The following CRTC3 variants were observed in gnomAD, a reference collection of about 807,000 sequenced individuals.
The protein encoded by CRTC3 is CREB-regulated transcription coactivator 3.
CRTC3 carries 26 observed loss-of-function variants against 74.5 expected under a neutral mutation model. The observed-to-expected ratio is 0.35, with a 90% CI of 0.26 to 0.48. CRTC3 has a LOEUF of 0.48. CRTC3 is among the 20% of genes least tolerant of loss of function. The pLI is 0.99. For synonymous variants in CRTC3, 377 were observed against 325.8 expected (o/e 1.16, Z -1.69); for missense variants, 760 against 787.3 (o/e 0.97, Z 0.41).
At chr15:90,543,154 A>G (rs1326843359) in intron 2 of CRTC3, among the ~76,000 whole-genome samples, 3 of 138,906 alleles carry the variant, frequency 2.2e-5, no homozygotes, top group South Asian at 2.3e-4. Flanking sequence ...AAAAAAGGCC[A>G]GATGTGGTGG....
At chr15:90,629,038 C>T (rs143119155) in intron 10 of CRTC3, among the ~76,000 whole-genome samples, 196 bp from the exon 11 acceptor site, 2 of 152,220 alleles carry the variant, frequency 1.3e-5, no homozygotes, top group African/African-American at 2.4e-5. Context: ...CTTTGTGGCC[C>T]CATCTCTGTT....
At chr15:90,584,237 C>CTTT (rs11355776) in intron 2 of CRTC3, among the ~76,000 whole-genome samples, 1 of 116,698 alleles carries the variant, frequency 8.6e-6, no homozygotes, top group African/African-American at 3.3e-5. Context: ...TTCACCAACG[C>CTTT]TTTTTTTTTT....
intron 2 of CRTC3, among the ~76,000 whole-genome samples, chr15:90,571,211 C>T (rs1967256872): frequency 6.6e-6 from 1 of 152,108 alleles, no homozygotes; most frequent in Admixed American, 6.6e-5. Flanking sequence ...GATGATTTTA[C>T]AAGTCATTGT....
intron 2 of CRTC3, among the ~76,000 whole-genome samples, chr15:90,550,604 C>CT (rs556303665): frequency 5.8e-4 from 88 of 152,160 alleles, no homozygotes; most frequent in Admixed American, 1.5e-3. Flanking sequence ...CTCAAGCAGC[C>CT]TTTTAGCAGC....
At chr15:90,630,604 C>G (rs990187207) in intron 11 of CRTC3, among the ~76,000 whole-genome samples, 12 of 152,050 alleles carry the variant, frequency 7.9e-5, no homozygotes, top group African/African-American at 2.9e-4. Context: ...CAGAGTGAGA[C>G]CCTGTCTCAA....
At position 90,560,584 on chromosome 15, in the gene CRTC3, C is replaced by T. The variant is rs566159673; in HGVS notation, c.231+20447C>T. Among the ~76,000 whole-genome samples, 9 of 152,350 alleles carry T rather than the reference C, an allele frequency of 5.9e-5. No individual in the cohort carries two copies. The East Asian group carries it at 1.7e-3, about 29-fold the overall frequency. On this transcript the variant is annotated intron_variant, in intron 2 of 14. Coordinates refer to ENST00000268184, the MANE Select transcript of CRTC3 (RefSeq NM_022769.5). ...TCCAGAGGCAGCCTCAGAAACTAGA[C>T]ACATAATTCATATGGTCAAAACCTG...
At chr15:90,543,500 A>G (rs1403033327) in intron 2 of CRTC3, among the ~76,000 whole-genome samples, 2 of 152,066 alleles carry the variant, frequency 1.3e-5, no homozygotes, top group Non-Finnish European at 2.9e-5. Context: ...ATTATAATCT[A>G]TTATTTTATT....
intron 11 of CRTC3, among the ~76,000 whole-genome samples, chr15:90,631,181 C>G (rs1969025811): frequency 6.6e-6 from 1 of 152,198 alleles, no homozygotes; most frequent in Non-Finnish European, 1.5e-5. Flanking sequence ...TTATTGGTCA[C>G]TCTTTACCAA....
chr15:90,610,786 C>T (rs916780586), intron 6 of CRTC3, among the ~76,000 whole-genome samples: 5 of 152,192 alleles, frequency 3.3e-5, no homozygotes, highest in African/African-American at 1.2e-4. Context: ...CCTAACACCC[C>T]TCCTGACATC....
At position 90,587,757 on chromosome 15, in the gene CRTC3, G is replaced by GAA. The variant is rs1967699133; in HGVS notation, c.232-5879_232-5878insAA. On this transcript the variant is annotated intron_variant, in intron 2 of 14. Coordinates refer to ENST00000268184, the MANE Select transcript of CRTC3 (RefSeq NM_022769.5). ...GCCTCCCAAGTAGCTGGGACTACAAGCGTGAACCACCACACCTGACAAATT... is the reference window on the plus strand; with the variant it reads ...GCCTCCCAAGTAGCTGGGACTACAAGAACGTGAACCACCACACCTGACAAATT... 5.3e-5 allele frequency among the ~76,000 whole-genome samples: 8 copies of GAA among 152,154 alleles called. No individual in the cohort carries two copies. The South Asian group carries it at 1.7e-3, about 32-fold the overall frequency.
At chr15:90,534,502 G>A (rs1479144367) in intron 1 of CRTC3, among the ~76,000 whole-genome samples, 2 of 152,160 alleles carry the variant, frequency 1.3e-5, no homozygotes, top group African/African-American at 4.8e-5. Flanking sequence ...GTAAACTGGT[G>A]GCTTAAGTTC....
chr15:90,602,110 C>T (rs1347872375), intron 3 of CRTC3, among the ~76,000 whole-genome samples: 1 of 152,014 alleles, frequency 6.6e-6, no homozygotes, highest in Non-Finnish European at 1.5e-5. Context: ...ATAATAAACA[C>T]CCCACAAAAA....
At chr15:90,610,182 C>T (rs1392737002) in intron 6 of CRTC3, among the ~76,000 whole-genome samples, 2 of 152,092 alleles carry the variant, frequency 1.3e-5, no homozygotes, top group Non-Finnish European at 2.9e-5. Flanking sequence ...CATTTTCTTT[C>T]CTTTTGGATT....
chr15:90,548,378 T>C (rs1027994541), intron 2 of CRTC3, among the ~76,000 whole-genome samples: 3 of 152,208 alleles, frequency 2.0e-5, no homozygotes, highest in Non-Finnish European at 4.4e-5. Context: ...CCAAGGCAGT[T>C]TGCAAAGGCC....
In CRTC3 at chr15:90,582,843, T is replaced by A. The variant is rs185156501; in HGVS notation, c.232-10793T>A. Among the ~76,000 whole-genome samples, 401 of 151,930 alleles carry A rather than the reference T, an allele frequency of 2.6e-3. 3 individuals are homozygous for A. The highest frequency in any genetic ancestry group is 9.4e-3 in the African/African-American group (388 of 41,380). ...GCTGGAGGGAAGATGCTGGGGGAGGTCTCACTGCTTACAGCCTGCTCCATC... is the reference window on the plus strand; with the variant it reads ...GCTGGAGGGAAGATGCTGGGGGAGGACTCACTGCTTACAGCCTGCTCCATC... On this transcript the variant is annotated intron_variant, in intron 2 of 14. Coordinates refer to ENST00000268184, the MANE Select transcript of CRTC3 (RefSeq NM_022769.5).
intron 3 of CRTC3, among the ~76,000 whole-genome samples, chr15:90,600,983 G>A (rs1158116994): frequency 6.6e-6 from 1 of 152,204 alleles, no homozygotes; most frequent in Non-Finnish European, 1.5e-5. Flanking sequence ...GTGGAACTCA[G>A]AAAGCTGGAG....
intron 2 of CRTC3, among the ~76,000 whole-genome samples, chr15:90,557,473 C>T (rs1966917625): frequency 6.6e-6 from 1 of 152,180 alleles, no homozygotes; most frequent in Admixed American, 6.5e-5. Context: ...CAGGGCCTGG[C>T]TTCCCCAGCC....
At chr15:90,551,938 A>ACACACG (rs775513127) in intron 2 of CRTC3, among the ~76,000 whole-genome samples, 13 of 30,884 alleles carry the variant, frequency 4.2e-4, no homozygotes, top group African/African-American at 1.2e-3. Context: ...ACGCACACAC[A>ACACACG]CACACGCACA....
chr15:90,536,663 T>C (rs557992782), intron 1 of CRTC3, among the ~76,000 whole-genome samples: 1 of 152,322 alleles, frequency 6.6e-6, no homozygotes, highest in Admixed American at 6.5e-5. Flanking sequence ...TCTCATTTCC[T>C]GTAGGCATTA....
Sources: allele counts gnomAD v4.1 joint callset (sites outside exome capture counted in the v4.1 genomes callset), GRCh38; gene constraint gnomAD v4.1.1; transcripts MANE v1.5; gene names NCBI Gene and HGNC (gene_info 2026-07-23, HGNC 2026-07-21).